MICU2: variants seen among roughly 807,000 people sequenced by gnomAD.
MICU2 encodes the protein calcium uptake protein 2, mitochondrial.
Under a neutral mutation model 60.4 loss-of-function variants are expected in MICU2, and 64 were observed. The observed-to-expected ratio is 1.06, with a 90% CI of 0.87 to 1.31. The LOEUF (loss-of-function observed/expected upper bound fraction) is 1.31, where lower values mean the gene tolerates loss of function less well. MICU2 is among the 50% of genes most tolerant of loss of function. The probability of loss-of-function intolerance (pLI) is 0.00; values close to 1 mark genes in which losing one functional copy is unlikely to be tolerated. For missense variants in MICU2, 569 were observed against 531.0 expected (o/e 1.07, Z -0.70); for synonymous variants, 201 against 175.0 (o/e 1.15, Z -1.17).
chr13:21,581,812 T>C (rs146707121), intron 1 of MICU2, among the ~76,000 whole-genome samples: 8 of 152,216 alleles, frequency 5.3e-5, no homozygotes, highest in Non-Finnish European at 1.0e-4. Flanking sequence ...TTCCAGGTCG[T>C]CTAAAAATGT....
At chr13:21,600,033 G>T (rs957920144) in intron 1 of MICU2, among the ~76,000 whole-genome samples, 1 of 152,130 alleles carries the variant, frequency 6.6e-6, no homozygotes, top group African/African-American at 2.4e-5. Context: ...AATTTTTGTC[G>T]ATGAAATTTT....
chr13:21,546,529 T>C (rs947302850), intron 2 of MICU2, among the ~76,000 whole-genome samples: 5 of 152,150 alleles, frequency 3.3e-5, no homozygotes, highest in African/African-American at 1.2e-4. Context: ...ATTACACACA[T>C]GCTATGTGTA....
intron 6 of MICU2, among the ~76,000 whole-genome samples, chr13:21,515,206 C>G (rs962966708): frequency 6.6e-6 from 1 of 151,884 alleles, no homozygotes; most frequent in African/African-American, 2.4e-5. Context: ...CTCAGCCTCC[C>G]GAGTAGCTGG....
At chr13:21,549,087 G>C (rs1232720230) in intron 2 of MICU2, among the ~76,000 whole-genome samples, 2 of 151,688 alleles carry the variant, frequency 1.3e-5, no homozygotes, top group African/African-American at 4.8e-5. Flanking sequence ...CACCACACCT[G>C]GCTCATTTTT....
chr13:21,526,967 C>G (rs1365066796), intron 4 of MICU2, among the ~76,000 whole-genome samples: 5 of 152,126 alleles, frequency 3.3e-5, no homozygotes, highest in Non-Finnish European at 7.4e-5. Context: ...TAGTTCAGAG[C>G]AAGGAAAGCA....
intron 1 of MICU2, among the ~76,000 whole-genome samples, chr13:21,587,610 A>T (rs1394934342): frequency 6.6e-6 from 1 of 152,262 alleles, no homozygotes; most frequent in African/African-American, 2.4e-5. Flanking sequence ...GCATAGGAAC[A>T]ATACGAATGG....
At chr13:21,495,061 G>T in intron 11 of MICU2, 100 bp downstream of exon 11, 2 of 750,838 alleles carry the variant, frequency 2.7e-6, no homozygotes, top group Non-Finnish European at 3.9e-6. Context: ...TTTTATAAGT[G>T]ATGAAAACTC....
chr13:21,578,841 T>A (rs1017521970), intron 1 of MICU2, among the ~76,000 whole-genome samples: 1 of 152,134 alleles, frequency 6.6e-6, no homozygotes, highest in Non-Finnish European at 1.5e-5. Context: ...AGGAAAGAGG[T>A]AAAGCCATTG....
chr13:21,504,866 A>G (rs993158073), intron 8 of MICU2, among the ~76,000 whole-genome samples: 1 of 152,192 alleles, frequency 6.6e-6, no homozygotes, highest in African/African-American at 2.4e-5. Flanking sequence ...GGCAAACACT[A>G]CAAATCAAGG....
intron 2 of MICU2, among the ~76,000 whole-genome samples, chr13:21,553,944 C>T (rs1887636579): frequency 6.6e-6 from 1 of 152,130 alleles, no homozygotes; most frequent in Non-Finnish European, 1.5e-5. Flanking sequence ...AAGGCCATTA[C>T]ATAATGGTAA....
chr13:21,495,255 G>A lies in MICU2; in HGVS notation c.1106C>T (p.Thr369Ile). ...GQELSNNILD[T>I]VFKIFDLDGD... is the part of the protein sequence containing the mutation. ...ATCCAAATCAAAGATCTTAAAGACA[G>A]TGTCCAAAATATTGTTTGAGAGTTC... is the stretch of plus-strand genomic sequence containing the variant. The change falls in exon 11 of 12, where the codon ACT becomes ATT. Residue 369 changes from threonine to isoleucine, a missense_variant. Thr to Ile is a moderately conservative substitution (Grantham distance 89). Transcript: ENST00000382374. 1 of 1,613,362 alleles carries A rather than the reference G, an allele frequency of 6.2e-7. No homozygotes were observed. The highest frequency in any genetic ancestry group is 1.7e-5 in the Admixed American group (1 of 59,966).
At chr13:21,581,121 T>C (rs186607329) in intron 1 of MICU2, among the ~76,000 whole-genome samples, 2 of 152,264 alleles carry the variant, frequency 1.3e-5, no homozygotes, top group Admixed American at 1.3e-4. Context: ...CTTTGAAACA[T>C]TTTATGTGAA....
chr13:21,531,514 C>G (rs181405913), intron 4 of MICU2, among the ~76,000 whole-genome samples: 1 of 152,166 alleles, frequency 6.6e-6, no homozygotes, highest in East Asian at 1.9e-4. Flanking sequence ...TAATGGGATT[C>G]TTCTAAAGCA....
intron 5 of MICU2, among the ~76,000 whole-genome samples, 194 bp downstream of exon 5, chr13:21,522,409 G>A (rs777026203): frequency 3.3e-5 from 5 of 152,164 alleles, no homozygotes; most frequent in Non-Finnish European, 7.3e-5. Context: ...AAAGCTATGG[G>A]CTGCTATAGT....
chr13:21,536,613 G>A (rs1020682631), intron 4 of MICU2, among the ~76,000 whole-genome samples: 4 of 152,166 alleles, frequency 2.6e-5, no homozygotes, highest in East Asian at 1.9e-4. Flanking sequence ...GATTACAAGC[G>A]TGAGCTAATG....
At chr13:21,582,413 T>A (rs1422922272) in intron 1 of MICU2, among the ~76,000 whole-genome samples, 1 of 151,896 alleles carries the variant, frequency 6.6e-6, no homozygotes, top group Non-Finnish European at 1.5e-5. Context: ...TGTATTTCAA[T>A]AAGAAAAAAA....
rs117322839 is a variant in MICU2 at position 21,493,363 on chromosome 13, G to T, written c.1201-10C>A. 6.3e-7 allele frequency: 1 copy of T among 1,575,906 alleles called. No homozygotes were observed. Among genetic ancestry groups the T allele is most frequent in the Admixed American group, 1.9e-5 (1 of 52,594 alleles). On this transcript the variant is annotated splice_polypyrimidine_tract_variant and intron_variant, in intron 11 of 11. Transcript: ENST00000382374. ...TCTGATGTTGTGGTACCTGTTAACCGAAAGTAAAAATCAAGGGGTCATTGT... is the reference window on the plus strand; with the variant it reads ...TCTGATGTTGTGGTACCTGTTAACCTAAAGTAAAAATCAAGGGGTCATTGT...
intron 1 of MICU2, chr13:21,603,716 G>GA: frequency 1.7e-6 from 1 of 573,392 alleles, no homozygotes; most frequent in South Asian, 2.1e-5. Flanking sequence ...TCTCCCAAGG[G>GA]AGGCAGAATC....
At chr13:21,536,281 A>G (rs1267994419) in intron 4 of MICU2, among the ~76,000 whole-genome samples, 1 of 152,276 alleles carries the variant, frequency 6.6e-6, no homozygotes, top group East Asian at 1.9e-4. Context: ...TACCTTTGTC[A>G]TATTTTTCTT....
Sources: allele counts gnomAD v4.1 joint callset (sites outside exome capture counted in the v4.1 genomes callset), GRCh38; gene constraint gnomAD v4.1.1; transcripts MANE v1.5; gene names NCBI Gene and HGNC (gene_info 2026-07-23, HGNC 2026-07-21).